LARGE1: variants seen among roughly 807,000 people sequenced by gnomAD.
LARGE1 encodes LARGE xylosyl- and glucuronyltransferase 1, also known as xylosyl- and glucuronyltransferase LARGE1.
In LARGE1, 43 loss-of-function variants were observed where a neutral mutation model predicts 87.6. The ratio of observed to expected loss-of-function variants is 0.49; its 90% CI spans 0.38 to 0.63. LARGE1 has a LOEUF of 0.63. Ranked by LOEUF, LARGE1 falls within the 30% of genes least tolerant of loss-of-function variation. LARGE1 has a pLI of 0.00. For missense variants in LARGE1, 802 were observed against 1,000.2 expected (o/e 0.80, Z 2.67); for synonymous variants, 434 against 394.6 (o/e 1.10, Z -1.18).
rs577652133 is a variant in LARGE1, at chr22:33,257,200, C to T, written c.1730+47029G>A. Among the ~76,000 whole-genome samples the T allele has an allele frequency of 1.7e-4, 26 of 151,956 alleles. 1 individual carries two copies. The East Asian group carries it at 3.7e-3, about 22-fold the overall frequency. On this transcript the variant is annotated intron_variant, in intron 11 of 11. Transcript: ENST00000608642. ...AGCCTGGGCAACAAGAGCAAAACTC[C>T]GTCTCAAAAATAAACAAACAACAAC... is the stretch of plus-strand genomic sequence containing the variant.
At chr22:33,291,038 CAA>C (rs538205175) in intron 12 of LARGE1, among the ~76,000 whole-genome samples, 11 of 134,610 alleles carry the variant, frequency 8.2e-5, no homozygotes, top group Admixed American at 1.5e-4. Context: ...GACTCCATCT[CAA>C]AAAAAAAAAA....
the LARGE1 span, among the ~76,000 whole-genome samples, chr22:33,135,479 A>G: frequency 2.6e-5 from 4 of 152,248 alleles, no homozygotes. Context: ...GGGAAAATAA[A>G]CAACATTCCA....
the LARGE1 span, among the ~76,000 whole-genome samples, chr22:33,146,490 TA>T: frequency 1.3e-5 from 2 of 152,174 alleles, no homozygotes; most frequent in Admixed American, 1.3e-4. Context: ...GGTTCATATT[TA>T]AAAGGGGAAA....
intron 1 of LARGE1, among the ~76,000 whole-genome samples, chr22:33,870,324 T>C (rs2064237095): frequency 6.6e-6 from 1 of 152,222 alleles, no homozygotes. Flanking sequence ...GTCTCATTTC[T>C]GTTGTTTTGA....
At chr22:33,711,477 G>A (rs144797754) in intron 2 of LARGE1, among the ~76,000 whole-genome samples, 29 of 152,294 alleles carry the variant, frequency 1.9e-4, no homozygotes, top group Middle Eastern at 3.4e-3. Context: ...GAATGAGGCC[G>A]ACCTCCTTAC....
At chr22:33,702,489 C>T (rs1405581177) in intron 2 of LARGE1, among the ~76,000 whole-genome samples, 1 of 152,168 alleles carries the variant, frequency 6.6e-6, no homozygotes, top group African/African-American at 2.4e-5. Context: ...TTCACTTTTA[C>T]TTAGGCTAAT....
At chr22:33,601,412 T>C (rs1375849183) in intron 5 of LARGE1, among the ~76,000 whole-genome samples, 1 of 152,144 alleles carries the variant, frequency 6.6e-6, no homozygotes, top group African/African-American at 2.4e-5. Context: ...CAGATGGTGA[T>C]GCCACTACAG....
rs778094231 is a variant in LARGE1, at chr22:33,384,240, G to A, written c.957C>T (p.Thr319=). 45 of 1,613,990 alleles carry A rather than the reference G, an allele frequency of 2.8e-5. No individual in the cohort carries two copies. The highest frequency in any genetic ancestry group is 1.6e-4 in the Middle Eastern group (1 of 6,070). The change falls in exon 8 of 15, where the codon ACC becomes ACT. Residue 319 remains threonine (T), a synonymous_variant. Transcript: ENST00000397394. The part of the protein sequence containing the change: ...KMKWEQMWRL[T]AERELMGMLS... Reference sequence around the variant, plus strand: ...GCATGCCCATGAGCTCCCTCTCTGCGGTCAGCCTCCACATCTGCTCCCATT... The same window carrying A: ...GCATGCCCATGAGCTCCCTCTCTGCAGTCAGCCTCCACATCTGCTCCCATT...
At chr22:33,605,164 G>A (rs1011864159) in intron 4 of LARGE1, among the ~76,000 whole-genome samples, 1 of 151,926 alleles carries the variant, frequency 6.6e-6, no homozygotes, top group African/African-American at 2.4e-5. Flanking sequence ...CTAAGCCAAT[G>A]GCCTCCAGCC....
intron 6 of LARGE1, among the ~76,000 whole-genome samples, chr22:33,547,793 C>CAAAAAAAAAA (rs57220257): frequency 2.8e-5 from 1 of 35,746 alleles, no homozygotes; most frequent in Non-Finnish European, 4.6e-5. Context: ...GACTCCATCT[C>CAAAAAAAAAA]AAAAAAAAAA....
At chr22:33,481,430 A>T (rs1331672118) in intron 6 of LARGE1, among the ~76,000 whole-genome samples, 3 of 152,072 alleles carry the variant, frequency 2.0e-5, no homozygotes, top group Non-Finnish European at 4.4e-5. Flanking sequence ...TTGTAGGAAC[A>T]TTTTACATAT....
chr22:33,586,419 G>A (rs929705537), intron 5 of LARGE1, among the ~76,000 whole-genome samples: 1 of 151,432 alleles, frequency 6.6e-6, no homozygotes, highest in Admixed American at 6.6e-5. Flanking sequence ...CTGTGAATAC[G>A]CCATGCTGCC....
intron 1 of LARGE1, among the ~76,000 whole-genome samples, chr22:33,915,296 T>C (rs966515185): frequency 1.4e-4 from 22 of 152,174 alleles, no homozygotes; most frequent in Admixed American, 6.5e-5. Flanking sequence ...TTCAAAACTC[T>C]TTCTTTTCTA....
intron 7 of LARGE1, among the ~76,000 whole-genome samples, chr22:33,392,802 A>C (rs1487203138): frequency 6.6e-6 from 1 of 152,254 alleles, no homozygotes; most frequent in Non-Finnish European, 1.5e-5. Flanking sequence ...ATTAATGTCC[A>C]AACCTAGTAA....
intron 7 of LARGE1, among the ~76,000 whole-genome samples, chr22:33,389,866 C>CCAAA (rs199684442): frequency 1.9e-4 from 28 of 151,006 alleles, no homozygotes; most frequent in African/African-American, 5.6e-4. Flanking sequence ...AACCAACCAA[C>CCAAA]CAACCAACCA....
At chr22:33,741,884 G>A (rs1184914093) in intron 2 of LARGE1, among the ~76,000 whole-genome samples, 2 of 152,194 alleles carry the variant, frequency 1.3e-5, no homozygotes, top group African/African-American at 4.8e-5. Context: ...CAGATGGATG[G>A]AGCCTCTGTT....
At chr22:33,404,536 G>C (rs1201198747) in intron 7 of LARGE1, among the ~76,000 whole-genome samples, 1 of 152,130 alleles carries the variant, frequency 6.6e-6, no homozygotes, top group Admixed American at 6.5e-5. Context: ...TCCCACAAAC[G>C]AGCCTATCTA....
the LARGE1 span, among the ~76,000 whole-genome samples, chr22:33,139,893 T>C: frequency 6.6e-6 from 1 of 152,244 alleles, no homozygotes; most frequent in Non-Finnish European, 1.5e-5. Flanking sequence ...AAATAATCTC[T>C]GGGCCATTTC....
intron 6 of LARGE1, among the ~76,000 whole-genome samples, chr22:33,471,633 G>A (rs550771387): frequency 6.6e-6 from 1 of 152,228 alleles, no homozygotes; most frequent in East Asian, 1.9e-4. Context: ...ACACAGGGCT[G>A]CCCAGGAAAC....
Sources: allele counts gnomAD v4.1 joint callset (sites outside exome capture counted in the v4.1 genomes callset), GRCh38; gene constraint gnomAD v4.1.1; transcripts MANE v1.5; gene names NCBI Gene and HGNC (gene_info 2026-07-23, HGNC 2026-07-21).